Variants in TJP3 observed in about 807,000 individuals in gnomAD.
The protein encoded by TJP3 is tight junction protein ZO-3.
In TJP3, 85 loss-of-function variants were observed where a neutral mutation model predicts 104.2. The observed-to-expected ratio is 0.82, with a 90% CI of 0.68 to 0.98. The LOEUF is 0.98. Ranked by LOEUF, TJP3 falls within the 50% of genes least tolerant of loss-of-function variation. The probability of loss-of-function intolerance (pLI) is 0.00; values close to 1 mark genes in which losing one functional copy is unlikely to be tolerated. For synonymous variants in TJP3, 550 were observed against 550.6 expected (o/e 1.00, Z 0.02); for missense variants, 1,367 against 1,322.8 (o/e 1.03, Z -0.52).
In TJP3 at chr19:3,734,426, A is replaced by C; in HGVS notation, c.977A>C (p.Asp326Ala). 6.2e-7 allele frequency: 1 copy of C among 1,606,768 alleles called. No homozygotes were observed. Among genetic ancestry groups the C allele is most frequent in the Non-Finnish European group, 8.5e-7 (1 of 1,177,810 alleles). Residue 326 changes from aspartate (D) to alanine (A), a missense_variant, in exon 8 of 21, where the codon GAC (aspartate) becomes GCC (alanine). Physicochemically the swap from Asp to Ala is moderately radical, Grantham distance 126 (BLOSUM62 -2). Transcript: ENST00000541714. ...CGGAGCCCCGAGGCCAGCCAGACCG[A>C]CTCTCCCGTGTAAGTATCACCCATC... ...AQRSPEASQT[D>A]SPVESPRLRR...
In TJP3 at chr19:3,746,654, A is replaced by G; in HGVS notation, c.2180A>G (p.Gln727Arg). 6.2e-7 allele frequency: 1 copy of G among 1,613,334 alleles called. No homozygotes were observed. The highest frequency in any genetic ancestry group is 8.5e-7 in the Non-Finnish European group (1 of 1,179,810). Residue 727 changes from glutamine to arginine, a missense_variant, in exon 17 of 21, where the codon CAA (glutamine) becomes CGA (arginine). Transcript: ENST00000541714. This position sits in a 1 kb window ranked among gnomAD's most constrained non-coding sequence, Gnocchi z 4.1. ...CGCAGCACCCGTCGCCTCTACGCAC[A>G]AGCCCAGAAGCTGCGAAAACACAGC... The part of the protein sequence containing the change: ...SRRSTRRLYA[Q>R]AQKLRKHSSH...
chr19:3,710,000 T>A (rs968367883), intron 1 of TJP3, among the ~76,000 whole-genome samples: 1 of 151,792 alleles, frequency 6.6e-6, no homozygotes, highest in African/African-American at 2.4e-5. Context: ...ATACAAAAAA[T>A]GAGCCGAATA....
intron 15 of TJP3, among the ~76,000 whole-genome samples, chr19:3,745,760 T>C (rs1351779968): frequency 6.6e-6 from 1 of 152,140 alleles, no homozygotes; most frequent in Non-Finnish European, 1.5e-5. Flanking sequence ...TGAGCCTCAG[T>C]TTCCCCACCT....
rs2036804184 is a variant in TJP3, at chr19:3,740,722, AG to A, written c.1805del (p.Gly602AlafsTer20). ...GAGGACCTCTCAGCTCTGACCCGAC[AG>A]GGCCGCTACCCGCCCTACGAACGAG... ...SREDLSALTR[Q>X]GRYPPYERVV... On this transcript the variant is annotated frameshift_variant, in exon 14 of 21. Coordinates refer to ENST00000541714, the MANE Select transcript of TJP3 (RefSeq NM_001267560.2). LOFTEE classifies it high-confidence loss of function. 1 of 1,600,312 alleles carries A rather than the reference AG, an allele frequency of 6.2e-7. No homozygotes were observed.
At chr19:3,721,924 C>G (rs935876114) in intron 1 of TJP3, 1 of 1,195,954 alleles carries the variant, frequency 8.4e-7, no homozygotes, top group African/African-American at 1.6e-5. Context: ...AGTAACCCTC[C>G]AAGGGTGGCA....
chr19:3,722,093 TCCGC>T, intron 1 of TJP3, among the ~76,000 whole-genome samples: 1 of 142,554 alleles, frequency 7.0e-6, no homozygotes, highest in Non-Finnish European at 1.5e-5. Flanking sequence ...CGTCCGCGCG[TCCGC>T]GCCCCCCTCC....
intron 1 of TJP3, among the ~76,000 whole-genome samples, chr19:3,720,423 C>G (rs1445693393): frequency 1.3e-5 from 2 of 152,170 alleles, no homozygotes; most frequent in Non-Finnish European, 2.9e-5. Flanking sequence ...AAATCCCCAG[C>G]TACGATGCCC....
intron 1 of TJP3, among the ~76,000 whole-genome samples, chr19:3,710,132 G>C (rs1406582173): frequency 6.4e-5 from 8 of 124,596 alleles, no homozygotes; most frequent in Non-Finnish European, 1.1e-4. Flanking sequence ...CTGGACAACA[G>C]AGTGAGACTC....
At chr19:3,724,526 T>C (rs1012379822) in intron 1 of TJP3, among the ~76,000 whole-genome samples, 6 of 152,036 alleles carry the variant, frequency 3.9e-5, no homozygotes, top group African/African-American at 1.4e-4. Context: ...GAAATACAAA[T>C]TCCTTGGGGC....
intron 11 of TJP3, 66 bp from the exon 12 acceptor site, chr19:3,738,488 TC>T: frequency 7.1e-7 from 1 of 1,413,772 alleles, no homozygotes. Context: ...CAGAGGAAGG[TC>T]CAGGATCTCA....
At chr19:3,735,080 G>C (rs1325461746) in intron 8 of TJP3, among the ~76,000 whole-genome samples, 1 of 152,114 alleles carries the variant, frequency 6.6e-6, no homozygotes, top group Non-Finnish European at 1.5e-5. Context: ...TGCCCAGGCT[G>C]GTCTTGAACT....
chr19:3,738,474 T>C, intron 11 of TJP3, 81 bp from the exon 12 acceptor site: 1 of 1,270,692 alleles, frequency 7.9e-7, no homozygotes. Flanking sequence ...GGCTGAGTTT[T>C]GCCCAGAGGA....
At chr19:3,731,650 T>G (rs1220523253) in intron 5 of TJP3, among the ~76,000 whole-genome samples, 1 of 149,332 alleles carries the variant, frequency 6.7e-6, no homozygotes. Flanking sequence ...AATTAAAAAA[T>G]AAAAAATAAA....
At chr19:3,732,699 G>A (rs1250528768) in intron 6 of TJP3, among the ~76,000 whole-genome samples, 9 of 152,056 alleles carry the variant, frequency 5.9e-5, no homozygotes, top group East Asian at 3.9e-4. Context: ...TAGAAAAGAC[G>A]GGTTTCTCCA....
At chr19:3,712,400 A>T (rs1016019451) in intron 1 of TJP3, among the ~76,000 whole-genome samples, 2 of 152,176 alleles carry the variant, frequency 1.3e-5, no homozygotes, top group Non-Finnish European at 2.9e-5. Flanking sequence ...GCCCTGGGAC[A>T]CTGTAATTCA....
intron 14 of TJP3, among the ~76,000 whole-genome samples, chr19:3,742,406 C>T (rs772365198): frequency 6.6e-6 from 1 of 151,894 alleles, no homozygotes; most frequent in Non-Finnish European, 1.5e-5. Flanking sequence ...GCACTCTAGC[C>T]TGGGCAACAA....
chr19:3,708,939 C>T (rs939473859), intron 1 of TJP3, among the ~76,000 whole-genome samples: 1 of 151,948 alleles, frequency 6.6e-6, no homozygotes, highest in African/African-American at 2.4e-5. Flanking sequence ...CAGCCCGAGG[C>T]TAGGAGGTGA....
At chr19:3,747,094 CAT>C (rs1288975112) in intron 18 of TJP3, among the ~76,000 whole-genome samples, 3 of 151,966 alleles carry the variant, frequency 2.0e-5, no homozygotes, top group Non-Finnish European at 4.4e-5. Context: ...GATGGAGTCT[CAT>C]GTCACCCAGG....
intron 11 of TJP3, among the ~76,000 whole-genome samples, chr19:3,737,666 G>A (rs1179017060): frequency 6.6e-6 from 1 of 152,168 alleles, no homozygotes; most frequent in Non-Finnish European, 1.5e-5. Flanking sequence ...TGACCTTGCA[G>A]TGTGAGTTGT....
Sources: gnomAD v4.1 joint callset for allele counts (sites outside exome capture counted in the v4.1 genomes callset) on GRCh38, gnomAD v4.1.1 for gene constraint, Gnocchi (gnomAD v3.1) non-coding constraint, MANE v1.5 for transcripts, NCBI Gene and HGNC (gene_info 2026-07-23, HGNC 2026-07-21) for gene names.